Variants in XIST observed in about 807,000 individuals in gnomAD.
XIST encodes X inactive specific transcript.
chrX:73,823,151 A>G (rs1376354123), exon 6 of XIST: 2 of 555,002 alleles, frequency 3.6e-6, no homozygotes, highest in Non-Finnish European at 6.5e-6. Flanking sequence ...TTTAACTGTA[A>G]TAAAAGCAGA....
exon 1 of XIST, chrX:73,844,066 G>C: frequency 1.8e-6 from 1 of 558,853 alleles, no homozygotes; most frequent in South Asian, 2.2e-5. Context: ...CTGTTCAAAT[G>C]TAAAGATCAT....
At chrX:73,843,725 T>C in exon 1 of XIST, 1 of 558,207 alleles carries the variant, frequency 1.8e-6, no homozygotes, top group Non-Finnish European at 3.2e-6. Context: ...CAAGTGACAG[T>C]CTTGAGTAGT....
chrX:73,821,314 C>T (rs1042983018), exon 6 of XIST: 4 of 553,523 alleles, frequency 7.2e-6, no homozygotes, highest in Admixed American at 2.2e-5. Context: ...ATAGAAACTA[C>T]AGTTCAGATG....
exon 1 of XIST, chrX:73,849,365 T>C (rs1263540936): frequency 1.8e-6 from 1 of 557,336 alleles, no homozygotes; most frequent in Non-Finnish European, 3.2e-6. Flanking sequence ...TTCAGAGTGC[T>C]GTCTAATCCA....
exon 1 of XIST, chrX:73,850,659 C>T: frequency 2.1e-6 from 1 of 476,543 alleles, no homozygotes; most frequent in South Asian, 2.7e-5. Flanking sequence ...CCCATGGCAA[C>T]AGTGCAGTGC....
chrX:73,834,418 C>G (rs2147700676), intron 2 of XIST, among the ~76,000 whole-genome samples: 1 of 112,607 alleles, frequency 8.9e-6, no homozygotes, highest in East Asian at 2.8e-4. Context: ...AAGAGCATTC[C>G]CTTTCCCTTA....
At chrX:73,850,681 GA>G in exon 1 of XIST, 1 of 388,364 alleles carries the variant, frequency 2.6e-6, no homozygotes, top group Non-Finnish European at 4.5e-6. Context: ...GGGCAGACCA[GA>G]GGGGGGTAGG....
chrX:73,852,247 G>A (rs1442778685), exon 1 of XIST: 1 of 548,264 alleles, frequency 1.8e-6, no homozygotes, highest in Non-Finnish European at 3.3e-6. Flanking sequence ...ATACCCCGAT[G>A]GGCTAAGGAA....
At chrX:73,822,243 G>A (rs368353196) in exon 6 of XIST, 8 of 556,542 alleles carry the variant, frequency 1.4e-5, no homozygotes, top group African/African-American at 1.3e-4. Flanking sequence ...TCTATTATAA[G>A]GAGAGTTCCT....
At chrX:73,851,478 C>T (rs1022330329) in exon 1 of XIST, 2 of 559,223 alleles carry the variant, frequency 3.6e-6, no homozygotes, top group Non-Finnish European at 6.5e-6. Context: ...AACACTGCGA[C>T]AGAACTGGAT....
exon 1 of XIST, chrX:73,843,754 A>C (rs759251540): frequency 1.8e-6 from 1 of 557,944 alleles, no homozygotes; most frequent in Non-Finnish European, 3.2e-6. Flanking sequence ...CCTGCTAAAA[A>C]CACTAAGAAA....
chrX:73,845,991 A>G (rs1351401635), exon 1 of XIST: 3 of 540,994 alleles, frequency 5.5e-6, no homozygotes, highest in Non-Finnish European at 9.9e-6. Context: ...GTGGTTATGC[A>G]CATTAATGTC....
chrX:73,821,748 A>G (rs767044978), exon 6 of XIST: 1 of 515,486 alleles, frequency 1.9e-6, no homozygotes, highest in African/African-American at 2.3e-5. Context: ...CTACATTTAG[A>G]GAAATTTTAA....
exon 6 of XIST, chrX:73,823,062 T>TA (rs776462289): frequency 1.1e-5 from 6 of 551,448 alleles, no homozygotes; most frequent in Admixed American, 2.3e-5. Flanking sequence ...ATCTTTTTTT[T>TA]ATTGCTCATA....
rs2228652 is a variant in XIST, at chrX:73,847,526, C to A, written n.5198G>T. The A allele has an allele frequency of 2.2e-3, 1,112 of 511,133 alleles. 14 individuals are homozygous for A. The African/African-American group carries it at 0.023, about 10-fold the overall frequency. The allele number at this position is 511,133 out of a possible 1,213,427, so 42.1% of individuals were successfully genotyped here. A position where few individuals can be genotyped will look rare whatever the true frequency, so the allele number is the denominator to read the frequency against. On this transcript the variant is annotated non_coding_transcript_exon_variant, in exon 1 of 6. Transcript: ENST00000429829. The stretch of plus-strand genomic sequence containing the variant: ...TGAGCCACCACACCCGGCCTCAGGG[C>A]AATTTTGCATAATAGAAATTCAAGA...
chrX:73,826,584 G>C (rs761053043), exon 6 of XIST: 5 of 557,640 alleles, frequency 9.0e-6, no homozygotes, highest in Admixed American at 6.7e-5. Flanking sequence ...ATAAACAGGA[G>C]AACTGGAAAT....
At chrX:73,844,136 C>T (rs780982468) in exon 1 of XIST, 71 of 556,251 alleles carry the variant, frequency 1.3e-4, no homozygotes, top group Non-Finnish European at 2.6e-5. Context: ...GCACAAGAAC[C>T]AACATAAATG....
exon 1 of XIST, chrX:73,843,538 CT>C (rs1414547062): frequency 2.2e-5 from 12 of 557,014 alleles, no homozygotes; most frequent in African/African-American, 2.2e-5. Flanking sequence ...TAACATGCCC[CT>C]GATGCAAGGG....
At chrX:73,827,371 T>C in exon 6 of XIST, 1 of 557,905 alleles carries the variant, frequency 1.8e-6, no homozygotes, top group Non-Finnish European at 3.2e-6. Context: ...GGGAGATAGA[T>C]TCATGAAGAG....
Sources: allele counts gnomAD v4.1 joint callset (sites outside exome capture counted in the v4.1 genomes callset), GRCh38; gene constraint gnomAD v4.1.1; transcripts MANE v1.5; gene names NCBI Gene and HGNC (gene_info 2026-07-23, HGNC 2026-07-21).